COL17A1: variants seen among roughly 807,000 people sequenced by gnomAD.
COL17A1 encodes the protein collagen type XVII alpha 1 chain, also known as collagen alpha-1(XVII) chain.
COL17A1 carries 181 observed loss-of-function variants against 218.4 expected under a neutral mutation model. The ratio of observed to expected loss-of-function variants is 0.83; its 90% CI spans 0.73 to 0.94. COL17A1 has a LOEUF of 0.94. Among genes scored for constraint, COL17A1 ranks in the 40% least tolerant of loss-of-function variants. The pLI, the probability that COL17A1 is intolerant of heterozygous loss-of-function variation, is 0.00. For missense variants in COL17A1, 1,924 were observed against 1,945.9 expected (o/e 0.99, Z 0.21); for synonymous variants, 721 against 731.0 (o/e 0.99, Z 0.22).
chr10:104,079,389 ATG>A (rs144772803), intron 2 of COL17A1, among the ~76,000 whole-genome samples: 15 of 150,552 alleles, frequency 1.0e-4, no homozygotes, highest in East Asian at 7.8e-4. Context: ...GTGTGCATGT[ATG>A]TGTGTGTGTG....
rs759828561 is a variant in COL17A1, at chr10:104,040,416, G to A, written c.2702-6C>T. ...GGGGCCGGAGAGGAAGGTTTCTGCAGAGGAAGGAAATAGTTTGAGTATGGA... is the reference window on the plus strand; with the variant it reads ...GGGGCCGGAGAGGAAGGTTTCTGCAAAGGAAGGAAATAGTTTGAGTATGGA... On this transcript the variant is annotated splice_region_variant and splice_polypyrimidine_tract_variant and intron_variant, in intron 39 of 55. Transcript: ENST00000648076. 7 of 1,604,398 alleles carry A rather than the reference G, an allele frequency of 4.4e-6. No homozygotes were observed. In the African/African-American group the frequency reaches 9.4e-5, roughly 21 times the overall value.
intron 11 of COL17A1, among the ~76,000 whole-genome samples, chr10:104,062,797 T>TA (rs2086594657): frequency 6.6e-6 from 1 of 152,114 alleles, no homozygotes; most frequent in South Asian, 2.1e-4. Flanking sequence ...CACAAACACA[T>TA]AAAACTCCCC....
rs1230537680 is a variant in COL17A1 at position 104,034,270 on chromosome 10, C to G, written c.3831G>C (p.Gly1277=). The G allele has an allele frequency of 6.3e-7, 1 of 1,598,044 alleles. No individual in the cohort carries two copies. The highest frequency in any genetic ancestry group is 1.1e-5 in the South Asian group (1 of 88,926). ...CATCCGTGGACAGGAGGCGGCTGTC[C>G]CCAGGGGGTCCCTGCGGCCCAGGAG... ...PGPPGPQGPP[G]DSRLLSTDAS... Residue 1277 remains glycine, a synonymous_variant, in exon 52 of 56, where the codon GGG becomes GGC. Coordinates refer to ENST00000648076, the MANE Select transcript of COL17A1 (RefSeq NM_000494.4).
At chr10:104,038,810 C>T (rs1393880395) in intron 44 of COL17A1, among the ~76,000 whole-genome samples, 1 of 152,160 alleles carries the variant, frequency 6.6e-6, no homozygotes, top group African/African-American at 2.4e-5. Context: ...TCTCAACTCC[C>T]CAGCACCCTG....
intron 36 of COL17A1, 52 bp from the exon 37 acceptor site, chr10:104,041,590 C>G: frequency 2.7e-6 from 4 of 1,497,310 alleles, no homozygotes; most frequent in Non-Finnish European, 3.7e-6. Context: ...AGGCTGCTCT[C>G]TGCCACACTT....
rs906740785 is a variant in COL17A1 at position 104,070,692 on chromosome 10, G to A, written c.464-123C>T. On this transcript the variant is annotated intron_variant, in intron 8 of 55. Transcript: ENST00000648076. Reference sequence around the variant, plus strand: ...GAGAATGGCATCTGCCTCACACATTGGAACTTTTTGCTTGGCTTTATAATA... The same window carrying A: ...GAGAATGGCATCTGCCTCACACATTAGAACTTTTTGCTTGGCTTTATAATA... The A allele has an allele frequency of 2.5e-6, 4 of 1,597,120 alleles. No individual in the cohort carries two copies. The African/African-American group carries it at 5.4e-5, about 21-fold the overall frequency.
Position 104,064,563 on chromosome 10 carries a change from G to C in COL17A1, c.641C>G (p.Ala214Gly), listed in dbSNP as rs1242786896. 8 of 1,613,922 alleles carry C rather than the reference G, an allele frequency of 5.0e-6. No homozygotes were observed. The highest frequency in any genetic ancestry group is 6.8e-6 in the Non-Finnish European group (8 of 1,179,904). The change falls in exon 10 of 56, where the codon GCC becomes GGC. Residue 214 changes from alanine (A) to glycine (G), a missense_variant. By Grantham distance (60) the Ala-to-Gly change is moderately conservative. Coordinates refer to ENST00000648076, the MANE Select transcript of COL17A1 (RefSeq NM_000494.4). ...SGTYDATILDANLPSHVWSST... is the reference protein window; with the variant it reads ...SGTYDATILDGNLPSHVWSST... ...GGACCACACATGGGAGGGAAGGTTGGCATCCAGGATCGTTGCATCGTAGGT... is the reference window on the plus strand; with the variant it reads ...GGACCACACATGGGAGGGAAGGTTGCCATCCAGGATCGTTGCATCGTAGGT...
At chr10:104,034,406 C>G (rs904848971) in intron 51 of COL17A1, 72 bp from the exon 52 acceptor site, 1 of 1,505,618 alleles carries the variant, frequency 6.6e-7, no homozygotes, top group Non-Finnish European at 8.9e-7. Flanking sequence ...GTTAGGGAGT[C>G]TCTCCCAGGG....
Position 104,040,986 on chromosome 10 carries a change from C to T in COL17A1, c.2701+79G>A, listed in dbSNP as rs1055348068. ...AGGAAGCCTGGTGAGTAGGTTGTGACCACAAGGCTACGGCCACAGTCTGTG... is the reference window on the plus strand; with the variant it reads ...AGGAAGCCTGGTGAGTAGGTTGTGATCACAAGGCTACGGCCACAGTCTGTG... On this transcript the variant is annotated intron_variant, in intron 39 of 55. Coordinates refer to ENST00000648076, the MANE Select transcript of COL17A1 (RefSeq NM_000494.4). The T allele has an allele frequency of 2.5e-5, 38 of 1,522,548 alleles. No individual in the cohort carries two copies. In the East Asian group the frequency reaches 8.6e-4, roughly 34 times the overall value. 94.3% of individuals were successfully genotyped at this position (1,522,548 alleles called of 1,614,324 possible).
At position 104,056,991 on chromosome 10, in the gene COL17A1, G is replaced by A. The variant is rs1451932281; in HGVS notation, c.1449C>T (p.Phe483=). 10 of 1,581,420 alleles carry A rather than the reference G, an allele frequency of 6.3e-6. No individual in the cohort carries two copies. Among genetic ancestry groups the A allele is most frequent in the Middle Eastern group, 2.2e-4 (1 of 4,474 alleles). Residue 483 remains phenylalanine (F), a synonymous_variant, in exon 17 of 56, where the codon TTC becomes TTT. Coordinates refer to ENST00000648076, the MANE Select transcript of COL17A1 (RefSeq NM_000494.4). Reference sequence around the variant, plus strand: ...GCCACGTACCCAGAGCAATGAGGCCGAAGAGCAGCCCCAGGAGTAGCAGCC... The same window carrying A: ...GCCACGTACCCAGAGCAATGAGGCCAAAGAGCAGCCCCAGGAGTAGCAGCC... ...LTWLLLLGLL[F]GLIALAEEVR... is the part of the protein sequence containing the mutation.
chr10:104,045,607 TG>T, intron 33 of COL17A1, 150 bp downstream of exon 33: 1 of 743,352 alleles, frequency 1.3e-6, no homozygotes, highest in Non-Finnish European at 2.4e-6. Flanking sequence ...CACAAATCCC[TG>T]GGCTCCCAGC....
chr10:104,043,548 G>C lies in COL17A1; in HGVS notation c.2468C>G (p.Pro823Arg). 6.2e-7 allele frequency: 1 copy of C among 1,613,858 alleles called. No individual in the cohort carries two copies. Among genetic ancestry groups the C allele is most frequent in the Non-Finnish European group, 8.5e-7 (1 of 1,179,980 alleles). The stretch of plus-strand genomic sequence containing the variant: ...GGGTCCCATGGCTCCAGGAGGTCCT[G>C]GGGGGCCTGGGACAGTGAGCATCGA... ...GSSMLTVPGPPGPPGAMGPPG... is the reference protein window; with the variant it reads ...GSSMLTVPGPRGPPGAMGPPG... The change falls in exon 35 of 56, where the codon CCA becomes CGA. Residue 823 changes from proline to arginine, a missense_variant. By Grantham distance (103) the Pro-to-Arg change is moderately radical (BLOSUM62 -2). Transcript: ENST00000648076.
intron 27 of COL17A1, 48 bp from the exon 28 acceptor site, chr10:104,050,172 G>A (rs1165126587): frequency 1.2e-6 from 2 of 1,613,216 alleles, no homozygotes; most frequent in Middle Eastern, 1.6e-4. Flanking sequence ...TGTGAGCAAG[G>A]AAAACACTCT....
intron 3 of COL17A1, 57 bp downstream of exon 3, chr10:104,078,485 T>C: frequency 6.2e-7 from 1 of 1,612,448 alleles, no homozygotes; most frequent in Non-Finnish European, 8.5e-7. Flanking sequence ...AGGTTACAGG[T>C]GTGGGGCCCT....
chr10:104,044,348 T>C (rs77165760), intron 33 of COL17A1, among the ~76,000 whole-genome samples: 5,688 of 152,262 alleles, frequency 0.037, 341 homozygotes, highest in African/African-American at 0.13. Flanking sequence ...GTCTGAGTTA[T>C]ATAAAGGTTA....
chr10:104,032,721 G>C lies in COL17A1; in HGVS notation c.4391C>G (p.Pro1464Arg). Residue 1464 changes from proline (P) to arginine (R), a missense_variant, in exon 55 of 56, where the codon CCT becomes CGT. By Grantham distance (103) the Pro-to-Arg change is moderately radical. Transcript: ENST00000648076. ...GTGTCCTCGAGGGCCAGGTGGCCCA[G>C]GATGACCTGGTGGCCCAGCAGGGCC... The part of the protein sequence containing the change: ...DRGPAGPPGH[P>R]GPPGPRGHKG... 6.2e-7 allele frequency: 1 copy of C among 1,614,162 alleles called. No homozygotes were observed. Among genetic ancestry groups the C allele is most frequent in the Non-Finnish European group, 8.5e-7 (1 of 1,180,008 alleles).
rs78321233 is a variant in COL17A1, at chr10:104,054,313, G to C, written c.1745-195C>G. 0.021 allele frequency among the ~76,000 whole-genome samples: 3,169 copies of C among 152,344 alleles called. 105 individuals carry two copies. The highest frequency in any genetic ancestry group is 0.071 in the African/African-American group (2,955 of 41,562). ...ATGTCCCATGAAATATTTGGGACAA[G>C]TTATAGTGAAAAATTATTTGTTGTT... is the stretch of plus-strand genomic sequence containing the variant. On this transcript the variant is annotated intron_variant, in intron 20 of 55. Transcript: ENST00000648076.
At chr10:104,084,843 A>C (rs76920012) in intron 1 of COL17A1, among the ~76,000 whole-genome samples, 15,745 of 152,250 alleles carry the variant, frequency 0.1, 874 homozygotes, top group Middle Eastern at 0.18. Context: ...TGCTTTTCAA[A>C]TAAATACCTT....
chr10:104,080,119 T>A (rs1340483448), intron 2 of COL17A1, among the ~76,000 whole-genome samples: 2 of 152,150 alleles, frequency 1.3e-5, no homozygotes, highest in Non-Finnish European at 2.9e-5. Flanking sequence ...ATTGGAGATA[T>A]ATGAAAGTCA....
Sources: allele counts gnomAD v4.1 joint callset (sites outside exome capture counted in the v4.1 genomes callset), GRCh38; gene constraint gnomAD v4.1.1; transcripts MANE v1.5; gene names NCBI Gene and HGNC (gene_info 2026-07-23, HGNC 2026-07-21).